Variants in CCDC88C observed in about 807,000 individuals in gnomAD.
CCDC88C encodes the protein coiled-coil and HOOK domain protein 88C, also known as protein Daple.
Under a neutral mutation model 198.8 loss-of-function variants are expected in CCDC88C, and 131 were observed. The observed-to-expected ratio is 0.66, with a 90% confidence interval of 0.57 to 0.76. The LOEUF (loss-of-function observed/expected upper bound fraction) is 0.76, where lower values mean the gene tolerates loss of function less well. Ranked by LOEUF, CCDC88C falls within the 30% of genes least tolerant of loss-of-function variation. The pLI is 0.00. For missense variants in CCDC88C, 2,553 were observed against 2,631.6 expected, an observed-to-expected ratio of 0.97 and a Z score of 0.65; for synonymous variants, 1,166 against 1,114.7, an observed-to-expected ratio of 1.05 and a Z score of -0.92.
chr14:91,382,766 G>A (rs1192548157), intron 3 of CCDC88C, among the ~76,000 whole-genome samples: 2 of 152,124 alleles, frequency 1.3e-5, no homozygotes, highest in South Asian at 2.1e-4. Flanking sequence ...AGACTCAAGC[G>A]AACACTCCAA....
chr14:91,338,993 C>T lies in CCDC88C; in HGVS notation c.809+285G>A. ...CAGGTGTGGTCGTCCCGGCCCCAAG[C>T]TGGAGCTGAGCGTGGACTGGAGGCT... On this transcript the variant is annotated intron_variant, in intron 8 of 29. Transcript: ENST00000389857. This position sits in a 1 kb window ranked among gnomAD's most constrained non-coding sequence, Gnocchi z 4.8. 1.8e-6 allele frequency: 1 copy of T among 543,326 alleles called. No homozygotes were observed. The highest frequency in any genetic ancestry group is 2.0e-5 in the South Asian group (1 of 50,262). The allele number at this position is 543,326 out of a possible 1,614,324, so 33.7% of individuals were successfully genotyped here. A position where few individuals can be genotyped will look rare whatever the true frequency, so the allele number is the denominator to read the frequency against.
intron 21 of CCDC88C, among the ~76,000 whole-genome samples, chr14:91,298,271 A>C (rs1397232684): frequency 2.0e-5 from 3 of 152,094 alleles, no homozygotes; most frequent in Non-Finnish European, 4.4e-5. Flanking sequence ...CATCTCTGCA[A>C]AAAGTAGAAA....
intron 25 of CCDC88C, chr14:91,285,726 C>T (rs1289706075): frequency 4.7e-6 from 6 of 1,288,858 alleles, no homozygotes; most frequent in Non-Finnish European, 6.1e-6. Context: ...GATGGGATGT[C>T]GGAGGAAGAC....
rs569332447 is a variant in CCDC88C, at chr14:91,352,615, G to A, written c.340+7027C>T. ...TCCCTCCCATTCAAACGCCCAAAAC[G>A]TTTTGCAAATATGAAAATTATATAT... On this transcript the variant is annotated intron_variant, in intron 4 of 29. Coordinates refer to ENST00000389857, the MANE Select transcript of CCDC88C (RefSeq NM_001080414.4). This position sits in a 1 kb window ranked among gnomAD's most constrained non-coding sequence, Gnocchi z 4.2. 1.4e-4 allele frequency among the ~76,000 whole-genome samples: 21 copies of A among 151,834 alleles called. No homozygotes were observed. The highest frequency in any genetic ancestry group is 3.1e-4 in the Non-Finnish European group (21 of 67,990).
chr14:91,283,472 C>G lies in CCDC88C; in HGVS notation c.4487G>C (p.Ser1496Thr), dbSNP rs1487694293. Residue 1496 changes from serine to threonine, a missense_variant, in exon 26 of 30, where the codon AGC becomes ACC. Ser to Thr is a moderately conservative substitution (Grantham distance 58). This residue lies in a region of CCDC88C where 1,293 missense variants were observed against 1,219.6 expected (regional missense o/e 1.06). Transcript: ENST00000389857. ...KPKRGSPHRG[S>T]LDRTDASTDL... The stretch of plus-strand genomic sequence containing the variant: ...GGTGGAGGCATCTGTGCGGTCAAGG[C>G]TGCCTCTGTGTGGGGAGCCTCGCTT... 1 of 1,613,024 alleles carries G rather than the reference C, an allele frequency of 6.2e-7. No individual in the cohort carries two copies. The highest frequency in any genetic ancestry group is 1.1e-5 in the South Asian group (1 of 90,808).
At chr14:91,351,799 C>T (rs757283472) in intron 4 of CCDC88C, among the ~76,000 whole-genome samples, 23 of 152,118 alleles carry the variant, frequency 1.5e-4, no homozygotes, top group Admixed American at 2.6e-4. Context: ...TCAGTCCCAC[C>T]CCCACAGATA....
At chr14:91,393,252 G>A (rs1365807936) in intron 3 of CCDC88C, among the ~76,000 whole-genome samples, 5 of 152,188 alleles carry the variant, frequency 3.3e-5, no homozygotes, top group African/African-American at 7.2e-5. Flanking sequence ...GACAAGAGGA[G>A]CTGCCCCGGG....
chr14:91,293,356 C>G (rs1567055034), intron 23 of CCDC88C, among the ~76,000 whole-genome samples: 2 of 101,600 alleles, frequency 2.0e-5, no homozygotes, highest in African/African-American at 3.9e-5. Flanking sequence ...GTCCCCTCGC[C>G]TGCCACGGCC....
chr14:91,393,157 C>T (rs60137749), intron 3 of CCDC88C, among the ~76,000 whole-genome samples: 29,257 of 151,998 alleles, frequency 0.19, 3,577 homozygotes, highest in East Asian at 0.36. Context: ...GTGCAGTCAT[C>T]ACCCCCATCT....
At chr14:91,393,576 A>C (rs972225897) in intron 3 of CCDC88C, among the ~76,000 whole-genome samples, 2 of 152,032 alleles carry the variant, frequency 1.3e-5, no homozygotes, top group Non-Finnish European at 2.9e-5. Flanking sequence ...GAAACCACCA[A>C]CGCTTCCTTC....
intron 3 of CCDC88C, among the ~76,000 whole-genome samples, chr14:91,365,488 C>T (rs890603741): frequency 1.2e-4 from 18 of 152,240 alleles, no homozygotes; most frequent in South Asian, 4.1e-4. Context: ...GGGGACAGGC[C>T]GCCTCATTCC....
Position 91,305,924 on chromosome 14 carries a change from A to G in CCDC88C, c.3198T>C (p.Asn1066=). The G allele has an allele frequency of 6.2e-7, 1 of 1,612,700 alleles. No individual in the cohort carries two copies. The highest frequency in any genetic ancestry group is 8.5e-7 in the Non-Finnish European group (1 of 1,179,534). ...GCTGCTTCTCAGCCTGCAGAGCTGC[A>G]TTCTAGAAGATCGGGAGGCATGAGC... ...KDRAIELERN[N]AALQAEKQLL... is the part of the protein sequence containing the mutation. Residue 1066 remains asparagine (N), a splice_region_variant and synonymous_variant, in exon 19 of 30, where the codon AAT becomes AAC. Transcript: ENST00000389857.
rs144237919 is a variant in CCDC88C, at chr14:91,291,804, C to A, written c.4113-720G>T. 8.5e-5 allele frequency among the ~76,000 whole-genome samples: 13 copies of A among 152,316 alleles called. No homozygotes were observed. In the East Asian group the frequency reaches 2.3e-3, roughly 27 times the overall value. On this transcript the variant is annotated intron_variant, in intron 23 of 29. Coordinates refer to ENST00000389857, the MANE Select transcript of CCDC88C (RefSeq NM_001080414.4). The stretch of plus-strand genomic sequence containing the variant: ...GAAATTGAGCCACTTTTCAAAAACT[C>A]TGCCAGGGACCAAAGAGATATCTCT...
At chr14:91,276,390 C>T (rs529229394) in intron 29 of CCDC88C, among the ~76,000 whole-genome samples, 2 of 152,348 alleles carry the variant, frequency 1.3e-5, no homozygotes, top group South Asian at 2.1e-4. Flanking sequence ...AGAGTAAGTG[C>T]TTGGGAAAGA....
intron 3 of CCDC88C, among the ~76,000 whole-genome samples, chr14:91,393,054 TC>T (rs995663172): frequency 3.3e-5 from 5 of 152,126 alleles, no homozygotes; most frequent in Admixed American, 2.0e-4. Context: ...CGGAGTCCGC[TC>T]CCGGAAACGG....
chr14:91,339,881 C>T lies in CCDC88C; in HGVS notation c.624+3G>A, dbSNP rs1893237998. 1 of 1,579,788 alleles carries T rather than the reference C, an allele frequency of 6.3e-7. No homozygotes were observed. ...TGACCGGGCCACCGACCCGCGGACGCACCTCGGTGCACTCGTCCCGCTGGT... is the reference window on the plus strand; with the variant it reads ...TGACCGGGCCACCGACCCGCGGACGTACCTCGGTGCACTCGTCCCGCTGGT... On this transcript the variant is annotated splice_donor_region_variant and intron_variant, in intron 7 of 29. Coordinates refer to ENST00000389857, the MANE Select transcript of CCDC88C (RefSeq NM_001080414.4). This position sits in a 1 kb window ranked among gnomAD's most constrained non-coding sequence, Gnocchi z 5.8.
At chr14:91,403,276 G>A (rs1477126217) in intron 3 of CCDC88C, among the ~76,000 whole-genome samples, 1 of 152,204 alleles carries the variant, frequency 6.6e-6, no homozygotes, top group Non-Finnish European at 1.5e-5. Flanking sequence ...AGATATCCAC[G>A]TGTGGACTCG....
At chr14:91,292,020 A>T (rs1339932695) in intron 23 of CCDC88C, among the ~76,000 whole-genome samples, 3 of 152,218 alleles carry the variant, frequency 2.0e-5, no homozygotes, top group African/African-American at 7.2e-5. Context: ...TTGAGAGCCC[A>T]GACCCTTGGT....
chr14:91,283,104 T>C (rs1293880616), intron 26 of CCDC88C, among the ~76,000 whole-genome samples: 1 of 152,190 alleles, frequency 6.6e-6, no homozygotes, highest in East Asian at 1.9e-4. Flanking sequence ...CAGTGGGTTC[T>C]GAGGCCCCAT....
Sources: allele counts gnomAD v4.1 joint callset (sites outside exome capture counted in the v4.1 genomes callset), GRCh38; gene constraint gnomAD v4.1.1; regional missense constraint gnomAD v4.1.1; non-coding constraint Gnocchi (gnomAD v3.1); transcripts MANE v1.5; gene names NCBI Gene and HGNC (gene_info 2026-07-23, HGNC 2026-07-21).